Variants in SLAIN2 observed in about 807,000 individuals in gnomAD.
SLAIN2 encodes SLAIN motif-containing protein 2.
SLAIN2 carries 31 observed loss-of-function variants against 56.6 expected under a neutral mutation model. The observed-to-expected ratio is 0.55, with a 90% confidence interval of 0.41 to 0.74. SLAIN2 has a LOEUF of 0.74. Ranked by LOEUF, SLAIN2 falls within the 30% of genes least tolerant of loss-of-function variation. The pLI is 0.00. For missense variants in SLAIN2, 777 were observed against 754.2 expected, an observed-to-expected ratio of 1.03 and a Z score of -0.35; for synonymous variants, 317 against 284.9, an observed-to-expected ratio of 1.11 and a Z score of -1.13.
Position 48,411,069 on chromosome 4 carries a change from G to A in SLAIN2, c.1361-9056G>A, listed in dbSNP as rs186661854. On this transcript the variant is annotated intron_variant, in intron 6 of 7. Transcript: ENST00000264313. ...CTTGAAGCAATTGTGTTTCGTTGGT[G>A]TTTTTTCGTCGTTGTTGTTTTAACT... is the stretch of plus-strand genomic sequence containing the variant. 1.9e-4 allele frequency among the ~76,000 whole-genome samples: 29 copies of A among 152,140 alleles called. 1 individual carries two copies. Among genetic ancestry groups the A allele is most frequent in the African/African-American group, 6.5e-4 (27 of 41,494 alleles).
intron 6 of SLAIN2, among the ~76,000 whole-genome samples, chr4:48,411,485 T>C (rs1379543254): frequency 6.6e-6 from 1 of 152,180 alleles, no homozygotes; most frequent in African/African-American, 2.4e-5. Context: ...CTTCATTCTT[T>C]TGTACGTGAA....
At chr4:48,394,611 C>T in intron 6 of SLAIN2, 1 of 1,535,954 alleles carries the variant, frequency 6.5e-7, no homozygotes, top group East Asian at 2.4e-5. Context: ...TCGCACTTCC[C>T]TCAAAGCCAA....
Position 48,342,050 on chromosome 4 carries a change from G to A in SLAIN2, c.311G>A (p.Gly104Asp). 1 of 1,392,226 alleles carries A rather than the reference G, an allele frequency of 7.2e-7. No individual in the cohort carries two copies. The highest frequency in any genetic ancestry group is 9.3e-7 in the Non-Finnish European group (1 of 1,080,776). The allele number at this position is 1,392,226 out of a possible 1,614,324, so 86.2% of individuals were successfully genotyped here. A position where few individuals can be genotyped will look rare whatever the true frequency, so the allele number is the denominator to read the frequency against. ...TCCTTGCTAGCGGCGGGCGAGGGCG[G>A]CTTGCTGGACGAGGTGGAGCCGCTG... ...ATSLLAAGEG[G>D]LLDEVEPLRP... The change falls in exon 1 of 8, where the codon GGC becomes GAC. Residue 104 changes from glycine to aspartate, a missense_variant. Coordinates refer to ENST00000264313, the MANE Select transcript of SLAIN2 (RefSeq NM_020846.2).
chr4:48,398,988 G>A (rs1716480887), intron 6 of SLAIN2, among the ~76,000 whole-genome samples: 1 of 152,054 alleles, frequency 6.6e-6, no homozygotes, highest in African/African-American at 2.4e-5. Flanking sequence ...GCTCTTTTTT[G>A]GTTCCATATG....
chr4:48,346,041 T>A (rs568431096), intron 1 of SLAIN2, among the ~76,000 whole-genome samples: 4 of 152,228 alleles, frequency 2.6e-5, no homozygotes, highest in African/African-American at 7.2e-5. Context: ...CCTACAAGAT[T>A]CTTACCTACA....
intron 2 of SLAIN2, 92 bp downstream of exon 2, chr4:48,370,089 C>G: frequency 7.8e-7 from 1 of 1,282,554 alleles, no homozygotes; most frequent in Non-Finnish European, 1.1e-6. Flanking sequence ...GGAAGCAATT[C>G]TTTGGAGCAT....
intron 6 of SLAIN2, among the ~76,000 whole-genome samples, chr4:48,410,514 C>A (rs1405630761): frequency 6.6e-6 from 1 of 152,146 alleles, no homozygotes; most frequent in African/African-American, 2.4e-5. Context: ...TAACCCTAGT[C>A]ATTACTCCTG....
At chr4:48,358,646 T>G (rs1349841288) in intron 1 of SLAIN2, among the ~76,000 whole-genome samples, 1 of 151,956 alleles carries the variant, frequency 6.6e-6, no homozygotes, top group Non-Finnish European at 1.5e-5. Context: ...TTATAAGCAA[T>G]GTATCCTAAT....
At position 48,382,748 on chromosome 4, in the gene SLAIN2, A is replaced by G. The variant is rs755513920; in HGVS notation, c.1043A>G (p.Asn348Ser). 43 of 1,613,662 alleles carry G rather than the reference A, an allele frequency of 2.7e-5. 1 individual carries two copies. The South Asian group carries it at 3.5e-4, about 13-fold the overall frequency. Reference protein sequence around the residue: ...AVNRFSPSPRNSPRPSPKQSP... With the variant: ...AVNRFSPSPRSSPRPSPKQSP... ...AACAGGTTTTCACCATCACCACGCA[A>G]TTCACCTCGACCGTCACCTAAGCAG... is the stretch of plus-strand genomic sequence containing the variant. The change falls in exon 5 of 8, where the codon AAT (asparagine) becomes AGT (serine). Residue 348 changes from asparagine (N) to serine (S), a missense_variant. Asn to Ser is a conservative substitution (Grantham distance 46, BLOSUM62 1). Transcript: ENST00000264313.
Position 48,377,979 on chromosome 4 carries a change from T to TA in SLAIN2, c.623dup (p.Tyr208Ter). The change falls in exon 3 of 8, where the codon TAC becomes TAAC. Residue 208 changes from tyrosine to a stop codon, truncating the protein, a stop_gained and frameshift_variant. Transcript: ENST00000264313. LOFTEE classifies it high-confidence loss of function. ...SPYSPNASSP[Y>*]SSGFNSPSST... ...TTACAGTCCAAATGCCAGTAGCCCA[T>TA]ACAGCAGTGGCTTCAATTCTCCATC... The TA allele has an allele frequency of 1.2e-6, 2 of 1,613,974 alleles. No homozygotes were observed. The highest frequency in any genetic ancestry group is 1.7e-6 in the Non-Finnish European group (2 of 1,179,876).
At chr4:48,365,736 A>AT (rs1013512158) in intron 1 of SLAIN2, among the ~76,000 whole-genome samples, 1 of 151,554 alleles carries the variant, frequency 6.6e-6, no homozygotes, top group African/African-American at 2.4e-5. Context: ...TAATTTTTGT[A>AT]TTTTTTGGTA....
intron 2 of SLAIN2, among the ~76,000 whole-genome samples, chr4:48,371,097 GTT>G (rs763536841): frequency 1.3e-5 from 2 of 149,284 alleles, no homozygotes; most frequent in African/African-American, 4.9e-5. Flanking sequence ...TTTGTTTTTT[GTT>G]TTTTGTTTTG....
chr4:48,382,465 A>T, intron 4 of SLAIN2, 103 bp from the exon 5 acceptor site: 1 of 1,217,210 alleles, frequency 8.2e-7, no homozygotes, highest in Non-Finnish European at 1.1e-6. Context: ...TTTACACTTT[A>T]CACCCTCTTT....
intron 1 of SLAIN2, among the ~76,000 whole-genome samples, chr4:48,363,938 TC>T (rs1715427054): frequency 1.4e-5 from 1 of 73,324 alleles, no homozygotes. Context: ...CCCCCCCACC[TC>T]CCTCCCGGAC....
At chr4:48,408,462 A>G (rs1476248536) in intron 6 of SLAIN2, among the ~76,000 whole-genome samples, 3 of 146,846 alleles carry the variant, frequency 2.0e-5, no homozygotes, top group African/African-American at 7.4e-5. Flanking sequence ...GAGGTGGAAG[A>G]TAGTGATATT....
chr4:48,383,663 T>C lies in SLAIN2; in HGVS notation c.1239T>C (p.Ser413=). 1 of 1,576,216 alleles carries C rather than the reference T, an allele frequency of 6.3e-7. No homozygotes were observed. The highest frequency in any genetic ancestry group is 1.2e-5 in the South Asian group (1 of 84,318). ...NVKNEEKLRR[S]LPNLSRTSNT... is the part of the protein sequence containing the mutation. ...CTGTTGCAGAAAAACTAAGACGCAG[T>C]CTTCCAAACCTGTCCCGAACATCTA... is the stretch of plus-strand genomic sequence containing the variant. The change falls in exon 6 of 8, where the codon AGT becomes AGC. Residue 413 remains serine (S), a synonymous_variant. Transcript: ENST00000264313.
At chr4:48,360,636 A>G (rs1358014494) in intron 1 of SLAIN2, among the ~76,000 whole-genome samples, 2 of 152,156 alleles carry the variant, frequency 1.3e-5, no homozygotes, top group Non-Finnish European at 2.9e-5. Context: ...AATAAAGTGT[A>G]CTGTGGTTTT....
chr4:48,353,362 A>G (rs1056821961), intron 1 of SLAIN2, among the ~76,000 whole-genome samples: 1 of 152,112 alleles, frequency 6.6e-6, no homozygotes, highest in Non-Finnish European at 1.5e-5. Context: ...ACTATCTATC[A>G]TGGTAAGAAA....
intron 6 of SLAIN2, among the ~76,000 whole-genome samples, chr4:48,389,705 G>A (rs148162378): frequency 6.6e-6 from 1 of 152,360 alleles, no homozygotes; most frequent in East Asian, 1.9e-4. Flanking sequence ...GTAATGAAAA[G>A]TCTTGAGAAT....
Sources: allele counts gnomAD v4.1 joint callset (sites outside exome capture counted in the v4.1 genomes callset), GRCh38; gene constraint gnomAD v4.1.1; transcripts MANE v1.5; gene names NCBI Gene and HGNC (gene_info 2026-07-23, HGNC 2026-07-21).